The following PPARGC1A variants were observed in gnomAD, a reference collection of about 807,000 sequenced individuals.
PPARGC1A encodes PPARG coactivator 1 alpha, also known as peroxisome proliferator-activated receptor gamma coactivator 1-alpha.
Under a neutral mutation model 88.7 loss-of-function variants are expected in PPARGC1A, and 25 were observed. The ratio of observed to expected loss-of-function variants is 0.28; its 90% CI spans 0.21 to 0.39. The LOEUF (loss-of-function observed/expected upper bound fraction) is 0.39, where lower values mean the gene tolerates loss of function less well. Among genes scored for constraint, PPARGC1A ranks in the 10% least tolerant of loss-of-function variants. PPARGC1A has a pLI of 1.00. For synonymous variants in PPARGC1A, 363 were observed against 355.6 expected (o/e 1.02, Z -0.24); for missense variants, 880 against 968.7 (o/e 0.91, Z 1.22).
At chr4:24,086,802 G>A in the PPARGC1A span, among the ~76,000 whole-genome samples, 1 of 152,164 alleles carries the variant, frequency 6.6e-6, no homozygotes, top group Non-Finnish European at 1.5e-5. Context: ...GCTTACTGAT[G>A]TGTTCTTCTA....
the PPARGC1A span, among the ~76,000 whole-genome samples, chr4:24,141,183 A>C: frequency 5.3e-5 from 8 of 152,210 alleles, no homozygotes; most frequent in Non-Finnish European, 7.3e-5. Context: ...ACTTCAATAT[A>C]ACTAAGACAA....
chr4:24,258,156 A>C, the PPARGC1A span: 576 of 895,978 alleles, frequency 6.4e-4, no homozygotes, highest in Non-Finnish European at 7.5e-4. Context: ...TGGTATTTGC[A>C]CTTCAGAATA....
the PPARGC1A span, among the ~76,000 whole-genome samples, chr4:24,188,984 A>T: frequency 6.6e-6 from 1 of 152,134 alleles, no homozygotes; most frequent in Non-Finnish European, 1.5e-5. Flanking sequence ...GGAAATGCTG[A>T]CACACGCTAC....
the PPARGC1A span, among the ~76,000 whole-genome samples, chr4:24,241,379 A>G: frequency 6.6e-6 from 1 of 152,242 alleles, no homozygotes; most frequent in Admixed American, 6.5e-5. Context: ...CAGCTGGAAG[A>G]CAGGGGTAAC....
At chr4:24,197,859 T>A in the PPARGC1A span, among the ~76,000 whole-genome samples, 1 of 152,232 alleles carries the variant, frequency 6.6e-6, no homozygotes, top group African/African-American at 2.4e-5. Context: ...GGTTTGGTTT[T>A]GTGAGGAAAG....
chr4:24,420,991 T>A, the PPARGC1A span, among the ~76,000 whole-genome samples: 1 of 152,176 alleles, frequency 6.6e-6, no homozygotes, highest in Admixed American at 6.5e-5. Flanking sequence ...GCCTCTTTCA[T>A]AAGGTCACTA....
At chr4:24,304,420 GTTGT>G in the PPARGC1A span, among the ~76,000 whole-genome samples, 5 of 152,168 alleles carry the variant, frequency 3.3e-5, no homozygotes, top group African/African-American at 1.2e-4. Flanking sequence ...ACTTTGCATG[GTTGT>G]TTAATTTAAT....
the PPARGC1A span, among the ~76,000 whole-genome samples, chr4:24,415,625 T>C: frequency 4.6e-5 from 7 of 152,312 alleles, no homozygotes; most frequent in Admixed American, 3.9e-4. Context: ...TTTGTATGTG[T>C]TGCCAGAACA....
At chr4:24,149,908 T>G in the PPARGC1A span, among the ~76,000 whole-genome samples, 1 of 152,198 alleles carries the variant, frequency 6.6e-6, no homozygotes, top group African/African-American at 2.4e-5. Flanking sequence ...CGGGAGAAGT[T>G]GAAATTCATT....
chr4:23,971,002 A>G, the PPARGC1A span, among the ~76,000 whole-genome samples: 833 of 152,282 alleles, frequency 5.5e-3, 12 homozygotes, highest in African/African-American at 0.019. Context: ...TGGCTACCTC[A>G]GTACTCCCAT....
chr4:24,282,343 G>C, the PPARGC1A span, among the ~76,000 whole-genome samples: 2 of 152,200 alleles, frequency 1.3e-5, no homozygotes, highest in East Asian at 3.8e-4. Context: ...GTCAATAACA[G>C]CGTCTATTTC....
At chr4:24,452,654 AT>A in the PPARGC1A span, among the ~76,000 whole-genome samples, 16 of 152,154 alleles carry the variant, frequency 1.1e-4, no homozygotes, top group African/African-American at 3.4e-4. Flanking sequence ...CATAAGTGAA[AT>A]TTTTTCATAC....
At chr4:24,066,849 G>GTTTTTTTTTTTTTTTTTTTTTTTTTCTT in the PPARGC1A span, among the ~76,000 whole-genome samples, 1 of 100,880 alleles carries the variant, frequency 9.9e-6, no homozygotes, top group Non-Finnish European at 1.9e-5. Flanking sequence ...TTTGTTTTGG[G>GTTTTTTTTTTTTTTTTTTTTTTTTTCTT]TTTTTTTTTT....
intron 2 of PPARGC1A, among the ~76,000 whole-genome samples, chr4:23,842,206 T>C (rs58090861): frequency 0.029 from 4,445 of 152,248 alleles, 226 homozygotes; most frequent in African/African-American, 0.1. Flanking sequence ...CAGTTGGCCT[T>C]CCATGCAGAA....
At chr4:24,022,737 C>T in the PPARGC1A span, among the ~76,000 whole-genome samples, 1 of 152,192 alleles carries the variant, frequency 6.6e-6, no homozygotes, top group East Asian at 1.9e-4. Context: ...CGGGTCCCAG[C>T]CCACATGACC....
chr4:24,066,401 A>C, the PPARGC1A span, among the ~76,000 whole-genome samples: 4 of 152,216 alleles, frequency 2.6e-5, no homozygotes, highest in East Asian at 5.8e-4. Flanking sequence ...AGAGTTTTAA[A>C]GGTAGAATTA....
chr4:24,254,797 C>G, the PPARGC1A span, among the ~76,000 whole-genome samples: 1 of 152,204 alleles, frequency 6.6e-6, no homozygotes, highest in Non-Finnish European at 1.5e-5. Context: ...ATGCAATTAT[C>G]TCATTGTATT....
the PPARGC1A span, among the ~76,000 whole-genome samples, chr4:24,035,048 C>T: frequency 1.3e-5 from 2 of 152,162 alleles, no homozygotes; most frequent in South Asian, 2.1e-4. Flanking sequence ...ACAAGATAGA[C>T]CACTACTAGG....
intron 1 of PPARGC1A, among the ~76,000 whole-genome samples, chr4:23,899,091 C>T (rs1290583413): frequency 7.0e-6 from 1 of 141,904 alleles, no homozygotes; most frequent in Admixed American, 6.9e-5. Flanking sequence ...CCACCCCCCC[C>T]CGGCCTTGGC....
Sources: gnomAD v4.1 joint callset for allele counts (sites outside exome capture counted in the v4.1 genomes callset) on GRCh38, gnomAD v4.1.1 for gene constraint, MANE v1.5 for transcripts, NCBI Gene and HGNC (gene_info 2026-07-23, HGNC 2026-07-21) for gene names.